The following SOX5 variants were observed in gnomAD, a reference collection of about 807,000 sequenced individuals.
SOX5 encodes SRY-box transcription factor 5, also known as transcription factor SOX-5.
A neutral mutation model predicts 92.0 loss-of-function variants in SOX5; 9 were observed. That is an observed-to-expected ratio of 0.10 (90% CI 0.06 to 0.17). SOX5 has a LOEUF of 0.17. Among genes scored for constraint, SOX5 ranks in the 10% least tolerant of loss-of-function variants. The pLI, the probability that SOX5 is intolerant of heterozygous loss-of-function variation, is 1.00. For missense variants in SOX5, 642 were observed against 944.5 expected (o/e 0.68, Z 4.20); for synonymous variants, 344 against 336.3 (o/e 1.02, Z -0.25).
intron 4 of SOX5, among the ~76,000 whole-genome samples, chr12:24,190,810 C>T (rs527264586): frequency 2.0e-5 from 3 of 152,250 alleles, no homozygotes; most frequent in South Asian, 2.1e-4. Flanking sequence ...ATAAAATGTG[C>T]TAAACATGTC....
chr12:24,030,962 T>C (rs1486704568), intron 4 of SOX5, among the ~76,000 whole-genome samples: 1 of 151,864 alleles, frequency 6.6e-6, no homozygotes, highest in African/African-American at 2.4e-5. Flanking sequence ...TCACTAATCA[T>C]CAGGGAAATG....
At position 23,872,164 on chromosome 12, in the gene SOX5, A is replaced by ATTTTTT. The variant is rs71059938; in HGVS notation, c.270+23623_270+23628dup. On this transcript the variant is annotated intron_variant, in intron 2 of 14. Coordinates refer to ENST00000451604, the MANE Select transcript of SOX5 (RefSeq NM_006940.6). ...AGGCGCCCGCCACCACGCCCGGCTA[A>ATTTTTT]TTTTTTTTTTTTTTTTTTTTTTTTT... 2.6e-4 allele frequency among the ~76,000 whole-genome samples: 16 copies of ATTTTTT among 61,648 alleles called. 1 individual carries two copies. Among genetic ancestry groups the ATTTTTT allele is most frequent in the Non-Finnish European group, 3.6e-4 (11 of 30,946 alleles). The allele number at this position is 61,648 out of a possible 152,430, so 40.4% of individuals were successfully genotyped here.
chr12:24,392,697 G>T (rs2174905), intron 1 of SOX5, among the ~76,000 whole-genome samples: 105,483 of 151,974 alleles, frequency 0.69, 37,181 homozygotes, highest in East Asian at 0.97. Flanking sequence ...GAACCCAAAC[G>T]CTTTGAGAGC....
chr12:23,872,821 A>G (rs931906411), intron 2 of SOX5, among the ~76,000 whole-genome samples: 11 of 152,214 alleles, frequency 7.2e-5, no homozygotes, highest in African/African-American at 2.7e-4. Context: ...AGAACTACGC[A>G]AGAAAAGGAG....
At chr12:24,013,645 C>A (rs1953229951) in intron 4 of SOX5, among the ~76,000 whole-genome samples, 1 of 152,090 alleles carries the variant, frequency 6.6e-6, no homozygotes, top group Non-Finnish European at 1.5e-5. Flanking sequence ...TGTATCTGGT[C>A]TTATTTGAGG....
intron 11 of SOX5, among the ~76,000 whole-genome samples, chr12:23,554,828 A>G (rs1944836251): frequency 6.6e-6 from 1 of 152,306 alleles, no homozygotes; most frequent in Admixed American, 6.5e-5. Context: ...GCTTGCAATA[A>G]ACATAATAAA....
chr12:23,927,558 T>C (rs935549793), intron 1 of SOX5, among the ~76,000 whole-genome samples: 2 of 152,078 alleles, frequency 1.3e-5, no homozygotes, highest in African/African-American at 2.4e-5. Context: ...AAAATAATGA[T>C]GATCATGACC....
At chr12:23,639,893 C>A (rs993351973) in intron 8 of SOX5, among the ~76,000 whole-genome samples, 3 of 152,192 alleles carry the variant, frequency 2.0e-5, no homozygotes, top group Non-Finnish European at 4.4e-5. Context: ...CATGACAATA[C>A]CTTTTCACGA....
chr12:24,321,740 A>G (rs1950227926), intron 2 of SOX5, among the ~76,000 whole-genome samples: 1 of 152,224 alleles, frequency 6.6e-6, no homozygotes, highest in South Asian at 2.1e-4. Flanking sequence ...ATTACTATAA[A>G]TAGAATATTC....
At chr12:23,614,293 T>C (rs1023613278) in intron 8 of SOX5, among the ~76,000 whole-genome samples, 1 of 152,222 alleles carries the variant, frequency 6.6e-6, no homozygotes, top group African/African-American at 2.4e-5. Context: ...TTAAGACTTT[T>C]CTGTACACAG....
At chr12:23,848,147 C>T (rs1342848978) in intron 2 of SOX5, among the ~76,000 whole-genome samples, 1 of 152,126 alleles carries the variant, frequency 6.6e-6, no homozygotes, top group East Asian at 1.9e-4. Context: ...ACACTTTGAA[C>T]ATTTCTGTCT....
At chr12:24,007,152 T>TAA (rs1952298448) in intron 4 of SOX5, among the ~76,000 whole-genome samples, 1 of 73,186 alleles carries the variant, frequency 1.4e-5, no homozygotes, top group Non-Finnish European at 3.0e-5. Flanking sequence ...TATATATATA[T>TAA]ATATATATAC....
chr12:23,794,525 A>G (rs2095529822), intron 3 of SOX5, among the ~76,000 whole-genome samples: 1 of 152,162 alleles, frequency 6.6e-6, no homozygotes, highest in Admixed American at 6.6e-5. Context: ...CAGCAGGGTT[A>G]GAGGTAGAGC....
At chr12:23,749,344 C>A (rs2094110149) in intron 4 of SOX5, among the ~76,000 whole-genome samples, 1 of 151,792 alleles carries the variant, frequency 6.6e-6, no homozygotes, top group Non-Finnish European at 1.5e-5. Flanking sequence ...TCTTCTTGTA[C>A]CCTAATACTA....
intron 6 of SOX5, among the ~76,000 whole-genome samples, chr12:23,689,301 G>A (rs945858207): frequency 6.6e-6 from 1 of 151,730 alleles, no homozygotes; most frequent in Admixed American, 6.6e-5. Flanking sequence ...TGTTGTTGTT[G>A]CATATGCTGT....
At chr12:24,001,609 G>C (rs1241256811) in intron 4 of SOX5, among the ~76,000 whole-genome samples, 2 of 152,208 alleles carry the variant, frequency 1.3e-5, no homozygotes, top group South Asian at 4.1e-4. Flanking sequence ...AGCAAGGTCA[G>C]GAGTTCAAGA....
At chr12:23,745,589 C>T (rs567203492) in intron 4 of SOX5, among the ~76,000 whole-genome samples, 185 of 152,148 alleles carry the variant, frequency 1.2e-3, no homozygotes, top group African/African-American at 4.2e-3. Context: ...TAACATTATC[C>T]CACCACCACC....
At chr12:23,924,520 T>C (rs1939387892) in intron 1 of SOX5, among the ~76,000 whole-genome samples, 4 of 152,134 alleles carry the variant, frequency 2.6e-5, no homozygotes, top group Admixed American at 2.6e-4. Context: ...AGAATGTCCT[T>C]AGTTGTAAGT....
At chr12:24,314,421 C>G (rs1474111494) in intron 2 of SOX5, among the ~76,000 whole-genome samples, 6 of 151,450 alleles carry the variant, frequency 4.0e-5, no homozygotes, top group Non-Finnish European at 8.8e-5. Context: ...TGTTAAATGA[C>G]GAGTTAATGG....
Sources: gnomAD v4.1 joint callset for allele counts (sites outside exome capture counted in the v4.1 genomes callset) on GRCh38, gnomAD v4.1.1 for gene constraint, MANE v1.5 for transcripts, NCBI Gene and HGNC (gene_info 2026-07-23, HGNC 2026-07-21) for gene names.